The following RYR2 variants were observed in gnomAD, a reference collection of about 807,000 sequenced individuals.
The protein encoded by RYR2 is cardiac muscle ryanodine receptor-calcium release channel.
RYR2 carries 227 observed loss-of-function variants against 601.1 expected under a neutral mutation model. The ratio of observed to expected loss-of-function variants is 0.38; its 90% confidence interval spans 0.34 to 0.42. The LOEUF (loss-of-function observed/expected upper bound fraction) is 0.42. Among genes scored for constraint, RYR2 ranks in the 10% least tolerant of loss-of-function variants. The probability of loss-of-function intolerance (pLI) is 1.00; values close to 1 mark genes in which losing one functional copy is unlikely to be tolerated. For missense variants in RYR2, 4,646 were observed against 6,156.5 expected (o/e 0.75, Z 8.21); for synonymous variants, 2,223 against 2,175.1 (o/e 1.02, Z -0.61).
At chr1:237,699,773 G>A (rs1028055416) in intron 64 of RYR2, among the ~76,000 whole-genome samples, 2 of 152,144 alleles carry the variant, frequency 1.3e-5, no homozygotes, top group African/African-American at 4.8e-5. Context: ...AGCCTTCGGC[G>A]GCTTCATTAG....
chr1:237,634,996 AGCAATGTTCCT>A lies in RYR2; in HGVS notation c.6792+7_6792+17del. The A allele has an allele frequency of 6.3e-7, 1 of 1,574,850 alleles. No individual in the cohort carries two copies. The highest frequency in any genetic ancestry group is 8.6e-7 in the Non-Finnish European group (1 of 1,156,532). ...GCGTGAGCCGGATCTAGAAAAGGTGAGCAATGTTCCTGCCCTGTGTGTTTGTCTGAATTATG... is the reference window on the plus strand; with the variant it reads ...GCGTGAGCCGGATCTAGAAAAGGTGAGCCCTGTGTGTTTGTCTGAATTATG... On this transcript the variant is annotated splice_donor_5th_base_variant and intron_variant, in intron 44 of 104. Transcript: ENST00000366574.
At chr1:237,725,531 T>C (rs187300579) in intron 74 of RYR2, among the ~76,000 whole-genome samples, 91 of 152,240 alleles carry the variant, frequency 6.0e-4, no homozygotes, top group African/African-American at 2.1e-3. Context: ...TGGTAAGTTT[T>C]CTTATGAGAG....
rs1190066633 is a variant in RYR2, at chr1:237,542,066, ATTT to A, written c.2907-6364_2907-6362del. On this transcript the variant is annotated intron_variant, in intron 25 of 104. Transcript: ENST00000366574. ...AAGGTATACATTTTTGTCTTTATTT[ATTT>A]ATTTATTTATTTATTTATTTATTTA... Among the ~76,000 whole-genome samples the A allele has an allele frequency of 2.6e-4, 4 of 15,170 alleles. No homozygotes were observed. In the East Asian group the frequency reaches 0.038, roughly 143 times the overall value. 10.0% of individuals were successfully genotyped at this position (15,170 alleles called of 152,430 possible). A position where few individuals can be genotyped will look rare whatever the true frequency, so the allele number is the denominator to read the frequency against.
chr1:237,170,137 C>T (rs1370709898), intron 1 of RYR2, among the ~76,000 whole-genome samples: 2 of 152,098 alleles, frequency 1.3e-5, no homozygotes, highest in African/African-American at 4.8e-5. Flanking sequence ...AAGAAAAACA[C>T]ATGGTAATAG....
chr1:237,180,703 TATATA>T lies in RYR2; in HGVS notation c.49-89793_49-89789del. On this transcript the variant is annotated intron_variant, in intron 1 of 104. Transcript: ENST00000366574. This position sits in a 1 kb window ranked among gnomAD's most constrained non-coding sequence, Gnocchi z 5.3. Reference sequence around the variant, plus strand: ...ATGTGTATATATGTATATATAAGTATATATACACATATATACATATACATAGATAT... The same window carrying T: ...ATGTGTATATATGTATATATAAGTATCACATATATACATATACATAGATAT... Among the ~76,000 whole-genome samples, 1 of 147,792 alleles carries T rather than the reference TATATA, an allele frequency of 6.8e-6. No individual in the cohort carries two copies. Among genetic ancestry groups the T allele is most frequent in the Admixed American group, 6.8e-5 (1 of 14,666 alleles).
intron 48 of RYR2, among the ~76,000 whole-genome samples, chr1:237,648,241 A>G (rs1558137278): frequency 1.3e-5 from 2 of 152,224 alleles, no homozygotes; most frequent in African/African-American, 2.4e-5. Context: ...GGATGCCTAT[A>G]TAACAGTTAA....
intron 8 of RYR2, among the ~76,000 whole-genome samples, chr1:237,378,046 A>G (rs1701177555): frequency 6.6e-6 from 1 of 152,230 alleles, no homozygotes; most frequent in South Asian, 2.1e-4. Context: ...TTTACAAAAG[A>G]AAGAGGTTTG....
At chr1:237,491,504 G>T (rs1663333675) in intron 17 of RYR2, among the ~76,000 whole-genome samples, 1 of 152,068 alleles carries the variant, frequency 6.6e-6, no homozygotes, top group African/African-American at 2.4e-5. Context: ...ATTCTTTAAG[G>T]CCCCACCTCT....
chr1:237,331,170 T>C (rs921821459), intron 3 of RYR2, among the ~76,000 whole-genome samples, 188 bp downstream of exon 3: 1 of 152,194 alleles, frequency 6.6e-6, no homozygotes, highest in Non-Finnish European at 1.5e-5. Context: ...ACTAAAAAAA[T>C]ATATCCAAGC....
At position 237,193,099 on chromosome 1, in the gene RYR2, G is replaced by A. The variant is rs543361472; in HGVS notation, c.49-77398G>A. 2.1e-5 allele frequency among the ~76,000 whole-genome samples: 3 copies of A among 141,552 alleles called. No homozygotes were observed. In the East Asian group the frequency reaches 6.4e-4, roughly 30 times the overall value. The allele number at this position is 141,552 out of a possible 152,430, so 92.9% of individuals were successfully genotyped here. A position where few individuals can be genotyped will look rare whatever the true frequency, so the allele number is the denominator to read the frequency against. On this transcript the variant is annotated intron_variant, in intron 1 of 104. Coordinates refer to ENST00000366574, the MANE Select transcript of RYR2 (RefSeq NM_001035.3). ...GCATTTTGGGAGGCCGAGGTGGGCG[G>A]ATCACGAGGTCAGGAGATCAAGACC...
chr1:237,771,941 T>G, intron 85 of RYR2, 71 bp from the exon 86 acceptor site: 1 of 843,048 alleles, frequency 1.2e-6, no homozygotes, highest in Non-Finnish European at 2.0e-6. Context: ...AGCATTTGCC[T>G]TTGGAGTTCT....
Position 237,184,877 on chromosome 1 carries a change from G to GT in RYR2, c.49-85608dup, listed in dbSNP as rs397974914. ...GTTATCTTAGTTCTTTGTGAAGAGG[G>GT]TTTTTTTTTTTTGGACAGGGTCTTG... On this transcript the variant is annotated intron_variant, in intron 1 of 104. Coordinates refer to ENST00000366574, the MANE Select transcript of RYR2 (RefSeq NM_001035.3). 2.3e-3 allele frequency among the ~76,000 whole-genome samples: 321 copies of GT among 142,364 alleles called. 1 individual carries two copies. Among genetic ancestry groups the GT allele is most frequent in the Middle Eastern group, 3.7e-3 (1 of 268 alleles). The allele number at this position is 142,364 out of a possible 152,430, so 93.4% of individuals were successfully genotyped here.
intron 1 of RYR2, among the ~76,000 whole-genome samples, chr1:237,149,612 G>T (rs937663550): frequency 6.6e-6 from 1 of 151,506 alleles, no homozygotes; most frequent in Non-Finnish European, 1.5e-5. Context: ...TGGAATGAAG[G>T]CTTTTTTCTT....
intron 50 of RYR2, among the ~76,000 whole-genome samples, chr1:237,650,955 C>A (rs563087224): frequency 2.6e-5 from 4 of 152,202 alleles, no homozygotes; most frequent in Non-Finnish European, 5.9e-5. Flanking sequence ...AGTAGATGTT[C>A]ACTGTGTACA....
At chr1:237,602,789 G>A (rs772870042) in intron 35 of RYR2, among the ~76,000 whole-genome samples, 1 of 152,126 alleles carries the variant, frequency 6.6e-6, no homozygotes, top group East Asian at 1.9e-4. Flanking sequence ...ACATAGACAA[G>A]GGAAATCCAT....
chr1:237,105,331 G>A (rs1437152454), intron 1 of RYR2, among the ~76,000 whole-genome samples: 1 of 152,154 alleles, frequency 6.6e-6, no homozygotes, highest in Non-Finnish European at 1.5e-5. Flanking sequence ...TTAGAAGATC[G>A]TAAGTACTCT....
intron 1 of RYR2, among the ~76,000 whole-genome samples, chr1:237,116,098 A>T (rs1293607238): frequency 5.9e-5 from 9 of 152,192 alleles, no homozygotes; most frequent in African/African-American, 9.7e-5. Flanking sequence ...TAAGAATTGT[A>T]ATTCTTTCTG....
chr1:237,646,562 A>C (rs1442520249), intron 48 of RYR2, among the ~76,000 whole-genome samples: 1 of 152,196 alleles, frequency 6.6e-6, no homozygotes, highest in Non-Finnish European at 1.5e-5. Context: ...TTCCATATTT[A>C]GTATGTGAAG....
At chr1:237,541,474 C>T (rs1457298739) in intron 25 of RYR2, among the ~76,000 whole-genome samples, 1 of 152,162 alleles carries the variant, frequency 6.6e-6, no homozygotes, top group Non-Finnish European at 1.5e-5. Flanking sequence ...TTCCTCCTAT[C>T]CCCCTTTCCT....
Sources: gnomAD v4.1 joint callset for allele counts (sites outside exome capture counted in the v4.1 genomes callset) on GRCh38, gnomAD v4.1.1 for gene constraint, Gnocchi (gnomAD v3.1) non-coding constraint, MANE v1.5 for transcripts, NCBI Gene and HGNC (gene_info 2026-07-23, HGNC 2026-07-21) for gene names.